Variants in PCGF3 observed in about 807,000 individuals in gnomAD.
PCGF3 encodes the protein polycomb group RING finger protein 3.
Under a neutral mutation model 33.1 loss-of-function variants are expected in PCGF3, and 7 were observed. That is an observed-to-expected ratio of 0.21 (90% confidence interval 0.12 to 0.40). The LOEUF is 0.40. Ranked by LOEUF, PCGF3 falls within the 10% of genes least tolerant of loss-of-function variation. PCGF3 has a pLI of 1.00. For missense variants in PCGF3, 211 were observed against 313.3 expected, an observed-to-expected ratio of 0.67 and a Z score of 2.46; for synonymous variants, 153 against 121.3, an observed-to-expected ratio of 1.26 and a Z score of -1.72.
rs146784258 is a variant in PCGF3 at position 739,899 on chromosome 4, G to A, written c.262+2378G>A. ...GACACCCCCAGGGCACGGTGGCCCC[G>A]AGCCGCCTCCCTGACCAGCTCCTGT... On this transcript the variant is annotated intron_variant, in intron 6 of 10. Coordinates refer to ENST00000362003, the Ensembl canonical transcript of PCGF3. Among the ~76,000 whole-genome samples the A allele has an allele frequency of 2.5e-3, 383 of 152,296 alleles. 1 individual carries two copies. Among genetic ancestry groups the A allele is most frequent in the African/African-American group, 8.3e-3 (347 of 41,566 alleles).
chr4:741,408 T>C (rs992893765), intron 6 of PCGF3, among the ~76,000 whole-genome samples: 6 of 152,244 alleles, frequency 3.9e-5, no homozygotes, highest in African/African-American at 1.4e-4. Flanking sequence ...TATTTATTTA[T>C]TTATTCAATC....
In PCGF3 at chr4:720,260, C is replaced by T. The variant is rs557937769; in HGVS notation, c.-189-10370C>T. ...GGAGGGTGACCGCGGGAGGAGCGCC[C>T]GTGCATCGCTGCAGAGGGTGACTGC... is the stretch of plus-strand genomic sequence containing the variant. On this transcript the variant is annotated intron_variant, in intron 1 of 10. Coordinates refer to ENST00000362003, the Ensembl canonical transcript of PCGF3. This position sits in a 1 kb window ranked among gnomAD's most constrained non-coding sequence, Gnocchi z 5.6. 7.2e-5 allele frequency among the ~76,000 whole-genome samples: 11 copies of T among 151,870 alleles called. No homozygotes were observed. The highest frequency in any genetic ancestry group is 5.8e-4 in the East Asian group (3 of 5,132).
chr4:734,175 A>G, intron 4 of PCGF3: 4 of 1,537,346 alleles, frequency 2.6e-6, no homozygotes, highest in Non-Finnish European at 3.5e-6. Context: ...GCGTCCTCAC[A>G]CCTGATGAGT....
At chr4:716,659 C>T (rs1242672928) in intron 1 of PCGF3, among the ~76,000 whole-genome samples, 1 of 113,714 alleles carries the variant, frequency 8.8e-6, no homozygotes, top group Non-Finnish European at 1.7e-5. Flanking sequence ...AACTGGGTGT[C>T]GGTGCTGGGA....
At chr4:749,565 C>A (rs943597434) in intron 8 of PCGF3, among the ~76,000 whole-genome samples, 3 of 141,778 alleles carry the variant, frequency 2.1e-5, no homozygotes, top group African/African-American at 8.0e-5. Flanking sequence ...TGGCTCACTG[C>A]AACCTCTGCC....
intron 9 of PCGF3, among the ~76,000 whole-genome samples, chr4:763,389 G>A (rs934054191): frequency 1.4e-4 from 22 of 151,934 alleles, no homozygotes; most frequent in East Asian, 1.9e-4. Context: ...TGAGGTTTGC[G>A]CTGCTGCTGC....
chr4:731,025 G>C (rs1458270465), exon 3 of PCGF3: 1 of 398,504 alleles, frequency 2.5e-6, no homozygotes, highest in East Asian at 3.6e-5. Context: ...TCCGCGTGCG[G>C]AGCCAGGAGG....
chr4:761,635 T>C, intron 9 of PCGF3: 1 of 980,428 alleles, frequency 1.0e-6, no homozygotes, highest in East Asian at 1.1e-4. Flanking sequence ...CTACTGTGAG[T>C]GGAAGAGAGA....
chr4:752,891 A>G (rs1450668211), intron 8 of PCGF3, among the ~76,000 whole-genome samples: 17 of 152,366 alleles, frequency 1.1e-4, no homozygotes, highest in Non-Finnish European at 1.5e-5. Context: ...CGGGATTGCC[A>G]GTGCCCTCCT....
chr4:755,097 G>A (rs1271185180), intron 8 of PCGF3, among the ~76,000 whole-genome samples: 2 of 152,242 alleles, frequency 1.3e-5, no homozygotes, highest in Non-Finnish European at 2.9e-5. Context: ...GTACCCGCTT[G>A]ATGGTGACTG....
chr4:761,864 C>T, intron 9 of PCGF3: 1 of 985,402 alleles, frequency 1.0e-6, no homozygotes, highest in Non-Finnish European at 1.2e-6. Context: ...CTGTGAGCCC[C>T]CAAGGCAGTG....
At chr4:749,953 G>C (rs1486026730) in intron 8 of PCGF3, among the ~76,000 whole-genome samples, 2 of 152,200 alleles carry the variant, frequency 1.3e-5, no homozygotes, top group Non-Finnish European at 2.9e-5. Context: ...ACTGTTGGCA[G>C]ATCACACCAG....
At chr4:709,682 A>G (rs1047851144) in intron 1 of PCGF3, among the ~76,000 whole-genome samples, 3 of 152,250 alleles carry the variant, frequency 2.0e-5, no homozygotes, top group Non-Finnish European at 2.9e-5. Flanking sequence ...ACTCTGAGCT[A>G]TCTAGACTCC....
rs140303218 is a variant in PCGF3, at chr4:710,351, C to T, written c.-190+4381C>T. ...CCTAGCCAGAGAGGGACAGGAAGGA[C>T]GTCCCAGTGTTTGTGGAGTGACATT... On this transcript the variant is annotated intron_variant, in intron 1 of 10. Transcript: ENST00000362003. Among the ~76,000 whole-genome samples the T allele has an allele frequency of 2.9e-3, 439 of 152,332 alleles. 2 individuals are homozygous for T. Among genetic ancestry groups the T allele is most frequent in the African/African-American group, 8.6e-3 (356 of 41,576 alleles).
chr4:747,628 C>G (rs112663099), intron 8 of PCGF3, among the ~76,000 whole-genome samples: 1 of 59,432 alleles, frequency 1.7e-5, no homozygotes, highest in South Asian at 9.3e-4. Flanking sequence ...AGTGTTAGTG[C>G]TCGCCGTGGA....
intron 7 of PCGF3, 114 bp from the exon 8 acceptor site, chr4:744,486 T>C: frequency 1.3e-6 from 1 of 776,422 alleles, no homozygotes; most frequent in Non-Finnish European, 2.1e-6. Flanking sequence ...GCTCCGGGGG[T>C]CCAGAGTCTC....
Position 761,262 on chromosome 4 carries a change from AGC to A in PCGF3, c.463-15_463-14del, listed in dbSNP as rs1168883237. The stretch of plus-strand genomic sequence containing the variant: ...GGAACCCTCCTGCTGCGCTCTCACC[AGC>A]GTCCTTTCCCGCAGGTGAGCATCTG... On this transcript the variant is annotated splice_polypyrimidine_tract_variant and intron_variant, in intron 8 of 10. Transcript: ENST00000362003. 1 of 1,569,102 alleles carries A rather than the reference AGC, an allele frequency of 6.4e-7. No homozygotes were observed. Among genetic ancestry groups the A allele is most frequent in the Non-Finnish European group, 8.7e-7 (1 of 1,153,794 alleles).
rs375703030 is a variant in PCGF3, at chr4:719,141, G to C, written c.-189-11489G>C. On this transcript the variant is annotated intron_variant, in intron 1 of 10. Transcript: ENST00000362003. The stretch of plus-strand genomic sequence containing the variant: ...GGCTATTTTTTGTATTTTTAGTAGA[G>C]ACGGTGTTTCACCATGTTGGTCAGG... Among the ~76,000 whole-genome samples the C allele has an allele frequency of 1.1e-4, 17 of 152,164 alleles. No homozygotes were observed. The South Asian group carries it at 2.3e-3, about 20-fold the overall frequency.
At chr4:708,035 G>A (rs372630969) in intron 1 of PCGF3, among the ~76,000 whole-genome samples, 14 of 116,944 alleles carry the variant, frequency 1.2e-4, no homozygotes, top group South Asian at 6.6e-4. Flanking sequence ...CGGGACCCTG[G>A]GACAGCCCTG....
Sources: allele counts gnomAD v4.1 joint callset (sites outside exome capture counted in the v4.1 genomes callset), GRCh38; gene constraint gnomAD v4.1.1; non-coding constraint Gnocchi (gnomAD v3.1); transcripts MANE v1.5; gene names NCBI Gene and HGNC (gene_info 2026-07-23, HGNC 2026-07-21).